ZC3H14: variants seen among roughly 807,000 people sequenced by gnomAD.
The protein encoded by ZC3H14 is zinc finger CCCH domain-containing protein 14.
In ZC3H14, 31 loss-of-function variants were observed where a neutral mutation model predicts 92.4. The observed-to-expected ratio is 0.34, with a 90% confidence interval of 0.25 to 0.45. The LOEUF (loss-of-function observed/expected upper bound fraction) is 0.45, where lower values mean the gene tolerates loss of function less well. Among genes scored for constraint, ZC3H14 ranks in the 20% least tolerant of loss-of-function variants. The pLI is 1.00. For missense variants in ZC3H14, 781 were observed against 897.3 expected, an observed-to-expected ratio of 0.87 and a Z score of 1.66; for synonymous variants, 321 against 300.9, an observed-to-expected ratio of 1.07 and a Z score of -0.69.
rs1419892934 is a variant in ZC3H14, at chr14:88,619,458, G to C, written c.*7707G>C. On this transcript the variant is annotated 3_prime_UTR_variant, in exon 17 of 17. Transcript: ENST00000251038. ...GGCCTCAAGCAATCCTTCCCCCTTG[G>C]CCTCCCAAGGTACTGGGATTACAGG... 1 of 152,204 alleles carries C rather than the reference G, an allele frequency of 6.6e-6. No individual in the cohort carries two copies. Among genetic ancestry groups the C allele is most frequent in the Non-Finnish European group, 1.5e-5 (1 of 68,074 alleles). 9.4% of individuals were successfully genotyped at this position (152,204 alleles called of 1,614,324 possible). A position where few individuals can be genotyped will look rare whatever the true frequency, so the allele number is the denominator to read the frequency against.
At position 88,620,934 on chromosome 14, in the gene ZC3H14, T is replaced by A. The variant is rs1409123169; in HGVS notation, c.*9183T>A. 9.7e-5 allele frequency: 133 copies of A among 1,372,414 alleles called. No individual in the cohort carries two copies. Among genetic ancestry groups the A allele is most frequent in the South Asian group, 3.2e-4 (20 of 62,278 alleles). The allele number at this position is 1,372,414 out of a possible 1,614,324, so 85.0% of individuals were successfully genotyped here. The stretch of plus-strand genomic sequence containing the variant: ...CACTTTGTTTAACATCTTCTGCATT[T>A]AAAAAAAAAAAAAAAAAGAGTCATA... On this transcript the variant is annotated 3_prime_UTR_variant, in exon 17 of 17. Coordinates refer to ENST00000251038, the MANE Select transcript of ZC3H14 (RefSeq NM_024824.5). The surrounding 1 kb of genome is among the most constrained non-coding windows in gnomAD (Gnocchi z 4.3).
At position 88,615,541 on chromosome 14, in the gene ZC3H14, A is replaced by G; in HGVS notation, c.*3790A>G. The G allele has an allele frequency of 2.8e-6, 1 of 353,238 alleles. No individual in the cohort carries two copies. Among genetic ancestry groups the G allele is most frequent in the Non-Finnish European group, 5.1e-6 (1 of 196,846 alleles). The allele number at this position is 353,238 out of a possible 1,614,324, so 21.9% of individuals were successfully genotyped here. A position where few individuals can be genotyped will look rare whatever the true frequency, so the allele number is the denominator to read the frequency against. ...TTTTCCCAGCAGGTCTGCCGAAATC[A>G]CACACTTCCCAATACAGGGGGACTT... On this transcript the variant is annotated 3_prime_UTR_variant, in exon 17 of 17. Coordinates refer to ENST00000251038, the MANE Select transcript of ZC3H14 (RefSeq NM_024824.5).
intron 9 of ZC3H14, among the ~76,000 whole-genome samples, chr14:88,579,286 C>T (rs2081586700): frequency 6.6e-6 from 1 of 152,204 alleles, no homozygotes; most frequent in Non-Finnish European, 1.5e-5. Flanking sequence ...TTTGCCATGA[C>T]AGCGTTATAT....
chr14:88,568,287 G>T, intron 3 of ZC3H14, 134 bp downstream of exon 3: 1 of 729,112 alleles, frequency 1.4e-6, no homozygotes, highest in Non-Finnish European at 2.5e-6. Context: ...TGAGAGCACA[G>T]CCTCTGTATT....
Position 88,614,247 on chromosome 14 carries a change from G to C in ZC3H14, c.*2496G>C, listed in dbSNP as rs2087258946. 1 of 152,138 alleles carries C rather than the reference G, an allele frequency of 6.6e-6. No individual in the cohort carries two copies. Among genetic ancestry groups the C allele is most frequent in the South Asian group, 2.1e-4 (1 of 4,824 alleles). The allele number at this position is 152,138 out of a possible 1,614,324, so 9.4% of individuals were successfully genotyped here. ...TTATTGACTGACTGTAAATACATGA[G>C]TAGAAACTTAATAGTCATGTATTTC... On this transcript the variant is annotated 3_prime_UTR_variant, in exon 17 of 17. Transcript: ENST00000251038.
Position 88,563,175 on chromosome 14 carries a change from G to A in ZC3H14, c.36+6G>A. 4 of 1,603,918 alleles carry A rather than the reference G, an allele frequency of 2.5e-6. No individual in the cohort carries two copies. Among genetic ancestry groups the A allele is most frequent in the East Asian group, 2.2e-5 (1 of 44,446 alleles). On this transcript the variant is annotated splice_donor_region_variant and intron_variant, in intron 1 of 16. Coordinates refer to ENST00000251038, the MANE Select transcript of ZC3H14 (RefSeq NM_024824.5). ...AGATCAGCCGCAAGATCCGGGTGAG[G>A]CCCGTGCCGGTCGGGGGTGGGAAGC...
At position 88,615,252 on chromosome 14, in the gene ZC3H14, T is replaced by A. The variant is rs2087414838; in HGVS notation, c.*3501T>A. 6.6e-6 allele frequency: 1 copy of A among 152,222 alleles called. No individual in the cohort carries two copies. The highest frequency in any genetic ancestry group is 1.5e-5 in the Non-Finnish European group (1 of 68,044). The allele number at this position is 152,222 out of a possible 1,614,324, so 9.4% of individuals were successfully genotyped here. ...AAGTGTCCTTTATAAAAAAGGACCT[T>A]ATTAATGCCTAAAAAACATCATATT... On this transcript the variant is annotated 3_prime_UTR_variant, in exon 17 of 17. Coordinates refer to ENST00000251038, the MANE Select transcript of ZC3H14 (RefSeq NM_024824.5).
intron 1 of ZC3H14, 88 bp from the exon 2 acceptor site, chr14:88,563,563 C>T: frequency 6.3e-7 from 1 of 1,589,828 alleles, no homozygotes; most frequent in Non-Finnish European, 8.6e-7. Flanking sequence ...GTGCGCGCAC[C>T]AGCAAAGTGG....
chr14:88,618,632 A>G lies in ZC3H14; in HGVS notation c.*6881A>G, dbSNP rs757457689. On this transcript the variant is annotated 3_prime_UTR_variant, in exon 17 of 17. Transcript: ENST00000251038. ...GCAGAAGAACTTGCCACCTGGGTATACAGTATTGGTACTGTACCTGGAGAT... is the reference window on the plus strand; with the variant it reads ...GCAGAAGAACTTGCCACCTGGGTATGCAGTATTGGTACTGTACCTGGAGAT... 26 of 1,597,836 alleles carry G rather than the reference A, an allele frequency of 1.6e-5. No individual in the cohort carries two copies. The highest frequency in any genetic ancestry group is 2.0e-5 in the Non-Finnish European group (24 of 1,173,580).
In ZC3H14 at chr14:88,616,875, G is replaced by T. The variant is rs1389457403; in HGVS notation, c.*5124G>T. The T allele has an allele frequency of 1.9e-6, 3 of 1,613,360 alleles. No individual in the cohort carries two copies. The highest frequency in any genetic ancestry group is 2.7e-5 in the African/African-American group (2 of 74,998). ...CAGATTCCCAAAACCTCATCTCCTA[G>T]AATACTAGAGGGAAGGAACAAAAGA... On this transcript the variant is annotated 3_prime_UTR_variant, in exon 17 of 17. Transcript: ENST00000251038.
At chr14:88,589,420 AT>A (rs748966506) in intron 9 of ZC3H14, 1 of 152,164 alleles carries the variant, frequency 6.6e-6, no homozygotes. Context: ...TCACAGTTGG[AT>A]GGCCCTTTGT....
At position 88,624,631 on chromosome 14, in the gene ZC3H14, T is replaced by G. The variant is rs1364367130; in HGVS notation, c.*12880T>G. 4.7e-6 allele frequency: 1 copy of G among 214,724 alleles called. No individual in the cohort carries two copies. The highest frequency in any genetic ancestry group is 9.2e-6 in the Non-Finnish European group (1 of 108,712). 13.3% of individuals were successfully genotyped at this position (214,724 alleles called of 1,614,324 possible). On this transcript the variant is annotated 3_prime_UTR_variant, in exon 17 of 17. Coordinates refer to ENST00000251038, the MANE Select transcript of ZC3H14 (RefSeq NM_024824.5). ...TTCTGAACAAAAAGAGAGCAGGCAG[T>G]CAAAATACAACCCTGGCTCCAGATT...
Position 88,596,808 on chromosome 14 carries a change from G to T in ZC3H14, c.1354G>T (p.Asp452Tyr). 2 of 1,613,904 alleles carry T rather than the reference G, an allele frequency of 1.2e-6. No individual in the cohort carries two copies. Among genetic ancestry groups the T allele is most frequent in the South Asian group, 2.2e-5 (2 of 91,070 alleles). The change falls in exon 10 of 17, where the codon GAT becomes TAT. Residue 452 changes from aspartate to tyrosine, a missense_variant and splice_region_variant. Physicochemically the swap from Asp to Tyr is radical, Grantham distance 160 (BLOSUM62 -3). Around this residue, in one of 3 missense-constraint regions of ZC3H14, gnomAD observed 454 missense variants for 438.5 expected, o/e 1.04. Coordinates refer to ENST00000251038, the MANE Select transcript of ZC3H14 (RefSeq NM_024824.5). ...GGCAGAAACTCTGCAGATGAGTCAAGGTTGGTAATGTTTCAAGTTGTACTG... is the reference window on the plus strand; with the variant it reads ...GGCAGAAACTCTGCAGATGAGTCAATGTTGGTAATGTTTCAAGTTGTACTG... ...VMAETLQMSQ[D>Y]YYDMESMVHA...
chr14:88,609,618 A>C, intron 14 of ZC3H14, 94 bp from the exon 15 acceptor site: 1 of 1,478,308 alleles, frequency 6.8e-7, no homozygotes, highest in Non-Finnish European at 9.4e-7. Flanking sequence ...TAATTTAAAA[A>C]TGGTTTTCAC....
intron 4 of ZC3H14, 27 bp from the exon 5 acceptor site, chr14:88,572,003 T>A: frequency 3.3e-6 from 5 of 1,532,412 alleles, no homozygotes; most frequent in Non-Finnish European, 4.5e-6. Flanking sequence ...TAAAAATAGA[T>A]TAAAAGGACT....
At chr14:88,594,585 T>A in intron 9 of ZC3H14, 1 of 1,524,990 alleles carries the variant, frequency 6.6e-7, no homozygotes, top group Non-Finnish European at 8.7e-7. Context: ...AGATGTTATT[T>A]GCTCTTAATA....
chr14:88,584,125 A>G (rs573282374), intron 9 of ZC3H14, among the ~76,000 whole-genome samples: 1 of 152,270 alleles, frequency 6.6e-6, no homozygotes, highest in South Asian at 2.1e-4. Flanking sequence ...CCATTTAATT[A>G]TATTTGCTTT....
rs112239128 is a variant in ZC3H14, at chr14:88,607,364, G to A, written c.1868+1G>A. 6.2e-7 allele frequency: 1 copy of A among 1,604,600 alleles called. No individual in the cohort carries two copies. The highest frequency in any genetic ancestry group is 8.5e-7 in the Non-Finnish European group (1 of 1,175,716). Reference sequence around the variant, plus strand: ...ACCATCACCCCATCTCACCCTGCAAGTGAGTACCATCCCCCCATCTCACCC... The same window carrying A: ...ACCATCACCCCATCTCACCCTGCAAATGAGTACCATCCCCCCATCTCACCC... On this transcript the variant is annotated splice_donor_variant, in intron 13 of 16. Transcript: ENST00000251038. LOFTEE classifies it high-confidence loss of function.
At chr14:88,578,430 G>A (rs2081440254) in intron 9 of ZC3H14, among the ~76,000 whole-genome samples, 1 of 152,112 alleles carries the variant, frequency 6.6e-6, no homozygotes, top group South Asian at 2.1e-4. Flanking sequence ...ACAAGTGTGT[G>A]CCACTGCACC....
Sources: gnomAD v4.1 joint callset for allele counts (sites outside exome capture counted in the v4.1 genomes callset) on GRCh38, gnomAD v4.1.1 for gene constraint, gnomAD v4.1.1 regional missense constraint, Gnocchi (gnomAD v3.1) non-coding constraint, MANE v1.5 for transcripts, NCBI Gene and HGNC (gene_info 2026-07-23, HGNC 2026-07-21) for gene names.